MYO1H: variants seen among roughly 807,000 people sequenced by gnomAD.
MYO1H encodes myosin IH.
MYO1H carries 118 observed loss-of-function variants against 149.3 expected under a neutral mutation model. That is an observed-to-expected ratio of 0.79 (90% CI 0.68 to 0.92). MYO1H has a LOEUF of 0.92. MYO1H is among the 40% of genes least tolerant of loss of function. MYO1H has a pLI of 0.00. For synonymous variants in MYO1H, 447 were observed against 465.2 expected (o/e 0.96, Z 0.50); for missense variants, 1,212 against 1,280.7 (o/e 0.95, Z 0.82).
chr12:109,322,247 T>C, the MYO1H span, among the ~76,000 whole-genome samples: 1 of 152,200 alleles, frequency 6.6e-6, no homozygotes, highest in African/African-American at 2.4e-5. Flanking sequence ...GAGCTGAAAC[T>C]GGTTGCCTCT....
intron 3 of MYO1H, among the ~76,000 whole-genome samples, chr12:109,394,157 T>C (rs1005689311): frequency 6.6e-6 from 1 of 152,212 alleles, no homozygotes; most frequent in Non-Finnish European, 1.5e-5. Context: ...AGAATTTGTT[T>C]TTATGTAATA....
At chr12:109,386,225 A>G (rs1319434339) in intron 1 of MYO1H, among the ~76,000 whole-genome samples, 1 of 152,132 alleles carries the variant, frequency 6.6e-6, no homozygotes, top group Non-Finnish European at 1.5e-5. Context: ...CTTCTATTGT[A>G]CAGATGGGCC....
intron 1 of MYO1H, among the ~76,000 whole-genome samples, chr12:109,349,981 A>G (rs1868429676): frequency 6.7e-6 from 1 of 148,762 alleles, no homozygotes; most frequent in African/African-American, 2.5e-5. Context: ...AAAAGTTAAT[A>G]TTATTATTAT....
chr12:109,330,885 G>A, the MYO1H span, among the ~76,000 whole-genome samples: 1 of 152,270 alleles, frequency 6.6e-6, no homozygotes, highest in African/African-American at 2.4e-5. Context: ...ATATTTGAAT[G>A]GGGACTGTCC....
chr12:109,371,488 G>T (rs1014543297), intron 1 of MYO1H, among the ~76,000 whole-genome samples: 6 of 152,058 alleles, frequency 3.9e-5, no homozygotes, highest in Non-Finnish European at 2.9e-5. Flanking sequence ...AAAGCTCTGG[G>T]ATTACAGGTG....
At chr12:109,422,705 T>C (rs1387651542) in intron 16 of MYO1H, among the ~76,000 whole-genome samples, 3 of 152,130 alleles carry the variant, frequency 2.0e-5, no homozygotes, top group Non-Finnish European at 2.9e-5. Context: ...TTCTGTACTA[T>C]TGGCAGATTA....
intron 1 of MYO1H, among the ~76,000 whole-genome samples, chr12:109,384,445 T>C (rs1869263955): frequency 6.6e-6 from 1 of 152,234 alleles, no homozygotes; most frequent in South Asian, 2.1e-4. Context: ...ATAAGTCTCT[T>C]AGTCATCTTT....
At chr12:109,427,134 G>T (rs1031174078) in intron 18 of MYO1H, among the ~76,000 whole-genome samples, 1 of 151,916 alleles carries the variant, frequency 6.6e-6, no homozygotes, top group African/African-American at 2.4e-5. Flanking sequence ...TGGCCAACAC[G>T]GTGAAACCAC....
intron 1 of MYO1H, among the ~76,000 whole-genome samples, chr12:109,367,652 C>G (rs565950625): frequency 6.6e-6 from 1 of 151,964 alleles, no homozygotes; most frequent in East Asian, 1.9e-4. Flanking sequence ...CCCAGGTTCA[C>G]CCCATTCTCC....
At chr12:109,341,189 GAAA>G in the MYO1H span, among the ~76,000 whole-genome samples, 2 of 96,106 alleles carry the variant, frequency 2.1e-5, no homozygotes, top group Admixed American at 2.3e-4. Flanking sequence ...ACTCCATCTC[GAAA>G]AAAAAAAAAA....
chr12:109,435,216 A>G, intron 21 of MYO1H, 103 bp downstream of exon 21: 1 of 704,244 alleles, frequency 1.4e-6, no homozygotes. Context: ...TGTTAGAAGC[A>G]TTCGCTTTGG....
chr12:109,411,250 T>C (rs1450570039), intron 13 of MYO1H, among the ~76,000 whole-genome samples: 1 of 152,120 alleles, frequency 6.6e-6, no homozygotes. Flanking sequence ...ACTACAAAGG[T>C]ATACCACCAC....
chr12:109,327,284 A>G, the MYO1H span, among the ~76,000 whole-genome samples: 1 of 150,616 alleles, frequency 6.6e-6, no homozygotes, highest in African/African-American at 2.4e-5. Context: ...GGCACCCACC[A>G]CCATGCCTGG....
At chr12:109,311,973 G>A in the MYO1H span, among the ~76,000 whole-genome samples, 1 of 152,222 alleles carries the variant, frequency 6.6e-6, no homozygotes. Flanking sequence ...AAGCAGTGTA[G>A]TTATCTGCCT....
chr12:109,430,403 A>G (rs1871559419), intron 19 of MYO1H, among the ~76,000 whole-genome samples: 1 of 152,122 alleles, frequency 6.6e-6, no homozygotes, highest in Admixed American at 6.6e-5. Context: ...CAGCCCCTCC[A>G]TATCTGTCTA....
chr12:109,434,765 C>T (rs1041273082), intron 20 of MYO1H, among the ~76,000 whole-genome samples: 1 of 152,168 alleles, frequency 6.6e-6, no homozygotes. Context: ...TAGCTGTAGC[C>T]GTGTCCCTCC....
intron 13 of MYO1H, among the ~76,000 whole-genome samples, chr12:109,411,100 C>G (rs1191420841): frequency 2.6e-5 from 4 of 152,030 alleles, no homozygotes. Context: ...TGAGATCATA[C>G]CACTGCGCTC....
At chr12:109,329,456 G>T in the MYO1H span, among the ~76,000 whole-genome samples, 2 of 152,168 alleles carry the variant, frequency 1.3e-5, no homozygotes, top group African/African-American at 4.8e-5. Flanking sequence ...GAGAGGGAGA[G>T]AATCTTTCCA....
chr12:109,410,789 A>T (rs756536653), intron 13 of MYO1H, 21 bp downstream of exon 13: 1 of 1,431,516 alleles, frequency 7.0e-7, no homozygotes. Flanking sequence ...TGAATGTTGC[A>T]TTAGAGCTAT....
Sources: allele counts gnomAD v4.1 joint callset (sites outside exome capture counted in the v4.1 genomes callset), GRCh38; gene constraint gnomAD v4.1.1; transcripts MANE v1.5; gene names NCBI Gene and HGNC (gene_info 2026-07-23, HGNC 2026-07-21).